The following COL5A1 variants were observed in gnomAD, a reference collection of about 807,000 sequenced individuals.
COL5A1 encodes the protein collagen type V alpha 1 chain, also known as collagen alpha-1(V) chain.
Under a neutral mutation model 263.7 loss-of-function variants are expected in COL5A1, and 16 were observed. The ratio of observed to expected loss-of-function variants is 0.06; its 90% CI spans 0.04 to 0.09. The LOEUF (loss-of-function observed/expected upper bound fraction) is 0.09, where lower values mean the gene tolerates loss of function less well. Ranked by LOEUF, COL5A1 falls within the 10% of genes least tolerant of loss-of-function variation. The pLI is 1.00. For synonymous variants in COL5A1, 1,012 were observed against 1,004.5 expected, an observed-to-expected ratio of 1.01 and a Z score of -0.14; for missense variants, 2,036 against 2,540.5, an observed-to-expected ratio of 0.80 and a Z score of 4.27.
At chr9:134,809,107 T>C (rs1838412265) in intron 42 of COL5A1, 76 bp from the exon 43 acceptor site, 1 of 1,251,902 alleles carries the variant, frequency 8.0e-7, no homozygotes, top group Non-Finnish European at 1.1e-6. Flanking sequence ...CGGATCCCTC[T>C]CTTGGGTAAT....
At chr9:134,798,321 T>C in intron 36 of COL5A1, 87 bp from the exon 37 acceptor site, 2 of 1,240,840 alleles carry the variant, frequency 1.6e-6, no homozygotes, top group Non-Finnish European at 2.4e-6. Flanking sequence ...GCCATGGAAA[T>C]AACGGTCACT....
intron 8 of COL5A1, among the ~76,000 whole-genome samples, 177 bp from the exon 9 acceptor site, chr9:134,731,894 A>G (rs939869221): frequency 6.6e-6 from 1 of 152,180 alleles, no homozygotes; most frequent in Non-Finnish European, 1.5e-5. Flanking sequence ...TAGTAGTCAC[A>G]TGGGCTCCCG....
intron 65 of COL5A1, among the ~76,000 whole-genome samples, chr9:134,840,205 C>T (rs894215295): frequency 1.3e-5 from 2 of 152,236 alleles, no homozygotes; most frequent in African/African-American, 4.8e-5. Flanking sequence ...TCCCTGAGAA[C>T]TCGCGTTCTC....
chr9:134,687,070 C>T (rs1023279282), intron 1 of COL5A1, among the ~76,000 whole-genome samples: 2 of 152,208 alleles, frequency 1.3e-5, no homozygotes, highest in East Asian at 1.9e-4. Context: ...ACCCAGACTG[C>T]AGGAAGTTGC....
chr9:134,642,132 T>C lies in COL5A1; in HGVS notation c.-56T>C. 1 of 1,233,944 alleles carries C rather than the reference T, an allele frequency of 8.1e-7. No individual in the cohort carries two copies. The highest frequency in any genetic ancestry group is 1.0e-6 in the Non-Finnish European group (1 of 991,036). 76.4% of individuals were successfully genotyped at this position (1,233,944 alleles called of 1,614,324 possible). On this transcript the variant is annotated 5_prime_UTR_variant, in exon 1 of 66. Transcript: ENST00000371817. This position sits in a 1 kb window ranked among gnomAD's most constrained non-coding sequence, Gnocchi z 4.5. ...GCCCGGGCCGTGACCCGCGCCCCTGTGCGTCCCCGCGCGCCTCCGAGCGCC... is the reference window on the plus strand; with the variant it reads ...GCCCGGGCCGTGACCCGCGCCCCTGCGCGTCCCCGCGCGCCTCCGAGCGCC...
At chr9:134,701,377 C>T (rs1833669245) in intron 4 of COL5A1, 44 bp downstream of exon 4, 1 of 1,582,074 alleles carries the variant, frequency 6.3e-7, no homozygotes, top group South Asian at 1.1e-5. Flanking sequence ...CCAGGGCACT[C>T]CTCCTGTGGA....
chr9:134,730,458 A>ACCTCCAACT lies in COL5A1; in HGVS notation c.1155_1163dup (p.Ser386_Asn388dup). ...CGAAATTCCCACCAGCACCGCCGACACCTCCAACTCCTCCAATGTAATTTC... is the reference window on the plus strand; with the variant it reads ...CGAAATTCCCACCAGCACCGCCGACACCTCCAACTCCTCCAACTCCTCCAATGTAATTTC... On this transcript the variant is annotated inframe_insertion, in exon 7 of 66. Coordinates refer to ENST00000371817, the MANE Select transcript of COL5A1 (RefSeq NM_000093.5). 6.2e-7 allele frequency: 1 copy of ACCTCCAACT among 1,613,936 alleles called. No individual in the cohort carries two copies. Among genetic ancestry groups the ACCTCCAACT allele is most frequent in the East Asian group, 2.2e-5 (1 of 44,848 alleles).
intron 2 of COL5A1, among the ~76,000 whole-genome samples, chr9:134,698,587 G>A (rs1231779870): frequency 1.3e-5 from 2 of 152,214 alleles, no homozygotes; most frequent in Non-Finnish European, 2.9e-5. Flanking sequence ...GCTGTGGGAC[G>A]AGGGGGCCTT....
At chr9:134,822,197 G>A in intron 59 of COL5A1, 47 bp downstream of exon 59, 1 of 1,349,878 alleles carries the variant, frequency 7.4e-7, no homozygotes, top group Non-Finnish European at 1.1e-6. Context: ...GGCAGGGAGG[G>A]TGGGGATAAG....
At chr9:134,703,607 A>G (rs1588452414) in intron 4 of COL5A1, among the ~76,000 whole-genome samples, 1 of 128,904 alleles carries the variant, frequency 7.8e-6, no homozygotes, top group Admixed American at 8.2e-5. Flanking sequence ...TCTGGATGGG[A>G]GGCCACGCGG....
rs1445857509 is a variant in COL5A1 at position 134,765,597 on chromosome 9, CAG to C, written c.2035-83_2035-82del. The C allele has an allele frequency of 7.8e-7, 1 of 1,281,974 alleles. No homozygotes were observed. The highest frequency in any genetic ancestry group is 1.1e-6 in the Non-Finnish European group (1 of 881,378). The allele number at this position is 1,281,974 out of a possible 1,614,324, so 79.4% of individuals were successfully genotyped here. A position where few individuals can be genotyped will look rare whatever the true frequency, so the allele number is the denominator to read the frequency against. Reference sequence around the variant, plus strand: ...CACCAGCTGGGGTTCTGGGTGGAGTCAGGGCCAAGTGGGCATAGGGGACAGAG... The same window carrying C: ...CACCAGCTGGGGTTCTGGGTGGAGTCGGCCAAGTGGGCATAGGGGACAGAG... On this transcript the variant is annotated intron_variant, in intron 20 of 65. Coordinates refer to ENST00000371817, the MANE Select transcript of COL5A1 (RefSeq NM_000093.5). The surrounding 1 kb of genome is among the most constrained non-coding windows in gnomAD (Gnocchi z 5.1).
At chr9:134,769,331 T>C (rs1383634497) in intron 25 of COL5A1, among the ~76,000 whole-genome samples, 1 of 151,954 alleles carries the variant, frequency 6.6e-6, no homozygotes, top group African/African-American at 2.4e-5. Flanking sequence ...AGAAGCAGAG[T>C]GGAGCCTTCT....
intron 35 of COL5A1, 113 bp downstream of exon 35, chr9:134,796,531 T>A: frequency 1.8e-6 from 2 of 1,129,002 alleles, no homozygotes; most frequent in African/African-American, 1.5e-5. Context: ...CAGACCCTGC[T>A]GAAGGGTAGG....
chr9:134,825,130 C>CT (rs1011014828), intron 62 of COL5A1, among the ~76,000 whole-genome samples: 4 of 152,184 alleles, frequency 2.6e-5, no homozygotes, highest in African/African-American at 7.2e-5. Flanking sequence ...GGGTGACCTG[C>CT]TTGAACCTCG....
intron 30 of COL5A1, among the ~76,000 whole-genome samples, chr9:134,785,380 C>A (rs1837418706): frequency 6.6e-6 from 1 of 152,252 alleles, no homozygotes; most frequent in South Asian, 2.1e-4. Context: ...TGAGCCCCAA[C>A]ATTCCAGGAC....
intron 4 of COL5A1, among the ~76,000 whole-genome samples, chr9:134,718,145 C>T (rs1358177643): frequency 6.6e-6 from 1 of 152,234 alleles, no homozygotes; most frequent in African/African-American, 2.4e-5. Flanking sequence ...TGGATACGGT[C>T]TCATTAGCAG....
intron 24 of COL5A1, 64 bp from the exon 25 acceptor site, chr9:134,768,346 C>A: frequency 7.2e-7 from 1 of 1,397,784 alleles, no homozygotes; most frequent in Non-Finnish European, 1.0e-6. Flanking sequence ...ACCTTGGTGG[C>A]CGACGGAGAG....
intron 14 of COL5A1, 84 bp from the exon 15 acceptor site, chr9:134,753,766 G>GGCC: frequency 3.3e-6 from 2 of 615,308 alleles, no homozygotes; most frequent in Non-Finnish European, 6.1e-6. Context: ...CCCTCCCCCT[G>GGCC]CCCCTCCCCT....
rs577257726 is a variant in COL5A1, at chr9:134,819,137, G to A, written c.4446+84G>A. On this transcript the variant is annotated intron_variant, in intron 57 of 65. Coordinates refer to ENST00000371817, the MANE Select transcript of COL5A1 (RefSeq NM_000093.5). ...TGGGTCTCAAACTCAACAAGCTCTT[G>A]ATCCGTCACCTAAATGTGTCAAGCA... The A allele has an allele frequency of 1.8e-4, 256 of 1,411,352 alleles. 3 individuals are homozygous for A. The South Asian group carries it at 2.0e-3, about 11-fold the overall frequency. The allele number at this position is 1,411,352 out of a possible 1,614,324, so 87.4% of individuals were successfully genotyped here.
Sources: gnomAD v4.1 joint callset for allele counts (sites outside exome capture counted in the v4.1 genomes callset) on GRCh38, gnomAD v4.1.1 for gene constraint, Gnocchi (gnomAD v3.1) non-coding constraint, MANE v1.5 for transcripts, NCBI Gene and HGNC (gene_info 2026-07-23, HGNC 2026-07-21) for gene names.